SNX29: variants seen among roughly 807,000 people sequenced by gnomAD.
The protein encoded by SNX29 is sorting nexin-29.
A neutral mutation model predicts 102.1 loss-of-function variants in SNX29; 78 were observed. That is an observed-to-expected ratio of 0.76 (90% CI 0.64 to 0.92). The LOEUF is 0.92. SNX29 is among the 40% of genes least tolerant of loss of function. The pLI is 0.00. For missense variants in SNX29, 1,280 were observed against 1,061.7 expected, an observed-to-expected ratio of 1.21 and a Z score of -2.86; for synonymous variants, 580 against 414.5, an observed-to-expected ratio of 1.40 and a Z score of -4.85.
chr16:12,132,837 T>C lies in SNX29; in HGVS notation c.1595+3079T>C, dbSNP rs537337219. On this transcript the variant is annotated intron_variant, in intron 13 of 20. Coordinates refer to ENST00000566228, the MANE Select transcript of SNX29 (RefSeq NM_032167.5). ...AGACCAGTATTTCAAAAGGAAAAACTAGAAGCAGGGAAACCGATCAGCTGG... is the reference window on the plus strand; with the variant it reads ...AGACCAGTATTTCAAAAGGAAAAACCAGAAGCAGGGAAACCGATCAGCTGG... 5.9e-5 allele frequency among the ~76,000 whole-genome samples: 9 copies of C among 152,370 alleles called. No individual in the cohort carries two copies. In the South Asian group the frequency reaches 1.4e-3, roughly 25 times the overall value.
intron 15 of SNX29, among the ~76,000 whole-genome samples, chr16:12,281,276 G>A (rs76105717): frequency 0.032 from 4,848 of 152,258 alleles, 118 homozygotes; most frequent in Admixed American, 0.062. Context: ...ATCCCAGTGC[G>A]AAGGGAGTTT....
chr16:12,554,729 CAGTTTGCATTTT>C (rs2078216387), intron 20 of SNX29, among the ~76,000 whole-genome samples: 1 of 152,158 alleles, frequency 6.6e-6, no homozygotes, highest in South Asian at 2.1e-4. Context: ...TTCAGTCTTT[CAGTTTGCATTTT>C]CCTTAAGTGT....
intron 20 of SNX29, chr16:12,545,662 C>T (rs1374761565): frequency 6.6e-6 from 1 of 152,250 alleles, no homozygotes; most frequent in African/African-American, 2.4e-5. Flanking sequence ...TGGCCCTTCC[C>T]AGCTTCTAGG....
At position 12,541,623 on chromosome 16, in the gene SNX29, G is replaced by T. The variant is rs540987746; in HGVS notation, c.2318+16782G>T. Reference sequence around the variant, plus strand: ...TCACACTCTGGGCCACATCTCTGTCGGGGTCCATCGCATCTTCGTTCAGCC... The same window carrying T: ...TCACACTCTGGGCCACATCTCTGTCTGGGTCCATCGCATCTTCGTTCAGCC... On this transcript the variant is annotated intron_variant, in intron 20 of 20. Transcript: ENST00000566228. Among the ~76,000 whole-genome samples, 12 of 152,200 alleles carry T rather than the reference G, an allele frequency of 7.9e-5. No individual in the cohort carries two copies. In the East Asian group the frequency reaches 9.7e-4, roughly 12 times the overall value.
intron 15 of SNX29, among the ~76,000 whole-genome samples, chr16:12,279,199 CAAG>C (rs1204117289): frequency 6.6e-6 from 1 of 152,120 alleles, no homozygotes; most frequent in East Asian, 1.9e-4. Context: ...TTTTGATAAT[CAAG>C]AAGACACTCG....
chr16:12,334,015 A>G (rs1407503146), intron 15 of SNX29, among the ~76,000 whole-genome samples: 1 of 152,132 alleles, frequency 6.6e-6, no homozygotes, highest in Non-Finnish European at 1.5e-5. Context: ...GTGTTTGTTA[A>G]ATATCTGGGA....
At chr16:12,562,155 G>T (rs1041840502) in intron 20 of SNX29, among the ~76,000 whole-genome samples, 15 of 152,286 alleles carry the variant, frequency 9.8e-5, no homozygotes, top group African/African-American at 3.6e-4. Context: ...TACCAGGTCT[G>T]TGGAGTAAGA....
At position 12,489,501 on chromosome 16, in the gene SNX29, T is replaced by G. The variant is rs13335637; in HGVS notation, c.2178+11642T>G. The stretch of plus-strand genomic sequence containing the variant: ...ATCCTGCCCCCTCCCACACTGGCTG[T>G]GTGACCCTGGACAAGTCCTCAGCCT... On this transcript the variant is annotated intron_variant, in intron 19 of 20. Transcript: ENST00000566228. Among the ~76,000 whole-genome samples, 483 of 152,290 alleles carry G rather than the reference T, an allele frequency of 3.2e-3. 6 individuals are homozygous for G. Among genetic ancestry groups the G allele is most frequent in the African/African-American group, 0.011 (454 of 41,554 alleles).
chr16:11,990,752 A>G (rs2055817710), intron 1 of SNX29, among the ~76,000 whole-genome samples: 1 of 152,108 alleles, frequency 6.6e-6, no homozygotes, highest in African/African-American at 2.4e-5. Flanking sequence ...GCAAGGGAAG[A>G]TGGGAGCATG....
Position 12,569,130 on chromosome 16 carries a change from G to C in SNX29, c.*501G>C, listed in dbSNP as rs781770278. 6.0e-4 allele frequency: 85 copies of C among 142,020 alleles called. 3 individuals carry two copies. The highest frequency in any genetic ancestry group is 1.2e-3 in the East Asian group (9 of 7,806). 8.8% of individuals were successfully genotyped at this position (142,020 alleles called of 1,614,324 possible). ...AGGGATGGCTGGCTTTGCGGGGGGG[G>C]GGGGGGGGGGGGGCATGGTTCCTTT... On this transcript the variant is annotated 3_prime_UTR_variant, in exon 21 of 21. Coordinates refer to ENST00000566228, the MANE Select transcript of SNX29 (RefSeq NM_032167.5).
At chr16:12,148,652 C>G (rs1442807710) in intron 13 of SNX29, among the ~76,000 whole-genome samples, 1 of 152,074 alleles carries the variant, frequency 6.6e-6, no homozygotes, top group Non-Finnish European at 1.5e-5. Context: ...GCCTTTTGGT[C>G]TTAAGTTTTA....
intron 14 of SNX29, among the ~76,000 whole-genome samples, chr16:12,241,322 C>G (rs1044332408): frequency 4.6e-5 from 7 of 152,152 alleles, no homozygotes; most frequent in African/African-American, 1.7e-4. Context: ...CTGAAAATCA[C>G]TGTTTTACGT....
intron 20 of SNX29, among the ~76,000 whole-genome samples, chr16:12,539,211 C>G (rs954591434): frequency 6.6e-6 from 1 of 152,208 alleles, no homozygotes; most frequent in African/African-American, 2.4e-5. Flanking sequence ...ACCACCATCA[C>G]CGTCAAGATA....
chr16:12,571,564 C>CCA lies in SNX29; in HGVS notation c.*2936_*2937insAC. ...CTGGGAGGAAGAATCCACACCGAAT[C>CCA]CTTCTGTCTTCATGGCCTGCTGTGC... On this transcript the variant is annotated 3_prime_UTR_variant, in exon 21 of 21. Transcript: ENST00000566228. 9.9e-7 allele frequency: 1 copy of CCA among 1,008,058 alleles called. No homozygotes were observed. The highest frequency in any genetic ancestry group is 1.2e-6 in the Non-Finnish European group (1 of 827,796). The allele number at this position is 1,008,058 out of a possible 1,614,324, so 62.4% of individuals were successfully genotyped here. A position where few individuals can be genotyped will look rare whatever the true frequency, so the allele number is the denominator to read the frequency against.
chr16:12,295,585 C>G (rs922696739), intron 15 of SNX29, among the ~76,000 whole-genome samples: 7 of 152,204 alleles, frequency 4.6e-5, no homozygotes, highest in African/African-American at 1.7e-4. Context: ...CTTGGAGTGA[C>G]TCACAGGTTC....
chr16:12,532,164 C>G (rs190603010), intron 20 of SNX29, among the ~76,000 whole-genome samples: 4 of 152,302 alleles, frequency 2.6e-5, no homozygotes, highest in Non-Finnish European at 5.9e-5. Flanking sequence ...GTGTTCCTGG[C>G]TCTGTCTACT....
intron 20 of SNX29, among the ~76,000 whole-genome samples, chr16:12,564,026 G>A (rs1030600180): frequency 2.0e-5 from 3 of 151,452 alleles, no homozygotes; most frequent in Non-Finnish European, 3.0e-5. Flanking sequence ...AGGGAGTTGA[G>A]GAGTTGCACC....
At chr16:12,243,279 A>C (rs1409357939) in intron 14 of SNX29, among the ~76,000 whole-genome samples, 1 of 152,208 alleles carries the variant, frequency 6.6e-6, no homozygotes, top group Non-Finnish European at 1.5e-5. Context: ...CATGTGCTCC[A>C]GGTGACCAAA....
At position 12,453,439 on chromosome 16, in the gene SNX29, C is replaced by A. The variant is rs1380143541; in HGVS notation, c.2038-24280C>A. Among the ~76,000 whole-genome samples, 5 of 152,140 alleles carry A rather than the reference C, an allele frequency of 3.3e-5. No homozygotes were observed. In the East Asian group the frequency reaches 7.7e-4, roughly 23 times the overall value. Reference sequence around the variant, plus strand: ...TAACCCCAATTTATTTCCTCTTAAACAAAATGCAGATGCCTAATGCCTACT... The same window carrying A: ...TAACCCCAATTTATTTCCTCTTAAAAAAAATGCAGATGCCTAATGCCTACT... On this transcript the variant is annotated intron_variant, in intron 18 of 20. Coordinates refer to ENST00000566228, the MANE Select transcript of SNX29 (RefSeq NM_032167.5).
Sources: allele counts gnomAD v4.1 joint callset (sites outside exome capture counted in the v4.1 genomes callset), GRCh38; gene constraint gnomAD v4.1.1; transcripts MANE v1.5; gene names NCBI Gene and HGNC (gene_info 2026-07-23, HGNC 2026-07-21).